Variants in BBS4 observed in about 807,000 individuals in gnomAD.
The protein encoded by BBS4 is Bardet-Biedl syndrome 4.
In BBS4, 58 loss-of-function variants were observed where a neutral mutation model predicts 71.4. The observed-to-expected ratio is 0.81, with a 90% CI of 0.66 to 1.01. The LOEUF (loss-of-function observed/expected upper bound fraction) is 1.01. Among genes scored for constraint, BBS4 ranks in the 50% least tolerant of loss-of-function variants. The pLI is 0.00. For synonymous variants in BBS4, 228 were observed against 216.8 expected (o/e 1.05, Z -0.46); for missense variants, 660 against 607.9 (o/e 1.09, Z -0.90).
At chr15:72,697,213 A>G (rs532201935) in intron 2 of BBS4, among the ~76,000 whole-genome samples, 30 of 152,360 alleles carry the variant, frequency 2.0e-4, no homozygotes, top group African/African-American at 7.0e-4. Flanking sequence ...GATTACAGGC[A>G]TGAGCCACTG....
At chr15:72,737,151 A>G in intron 15 of BBS4, 188 bp downstream of exon 15, 1 of 698,634 alleles carries the variant, frequency 1.4e-6, no homozygotes, top group Non-Finnish European at 2.5e-6. Context: ...GCTATGTAGT[A>G]GGTAACAGCT....
intron 1 of BBS4, among the ~76,000 whole-genome samples, chr15:72,689,881 G>C (rs891533178): frequency 2.6e-5 from 4 of 151,986 alleles, no homozygotes; most frequent in Non-Finnish European, 5.9e-5. Context: ...CGCGATCTCG[G>C]CTCACTGCAA....
At chr15:72,710,195 G>GTTCTTTTTTTTTTTTT (rs1239689474) in intron 3 of BBS4, among the ~76,000 whole-genome samples, 5 of 103,442 alleles carry the variant, frequency 4.8e-5, no homozygotes, top group African/African-American at 1.8e-4. Context: ...ATTTTGTCGA[G>GTTCTTTTTTTTTTTTT]TTTTTTTTTT....
chr15:72,736,015 CTT>C (rs760586107), intron 14 of BBS4, 49 bp downstream of exon 14: 7 of 1,609,786 alleles, frequency 4.3e-6, no homozygotes, highest in Non-Finnish European at 4.2e-6. Context: ...TCTCAGGAGA[CTT>C]TTAAAAATCA....
rs762272721 is a variant in BBS4 at position 72,731,698 on chromosome 15, G to A, written c.1008G>A (p.Lys336=). ...GTGCGGCCATCAACTTCCAGCCAAA[G>A]ATGGGGGAGCTCTACATGCTCTTGG... The part of the protein sequence containing the change: ...FLSAAINFQP[K]MGELYMLLAV... The change falls in exon 12 of 16, where the codon AAG becomes AAA. Residue 336 remains lysine, a synonymous_variant. Coordinates refer to ENST00000268057, the MANE Select transcript of BBS4 (RefSeq NM_033028.5). The A allele has an allele frequency of 6.2e-7, 1 of 1,614,206 alleles. No individual in the cohort carries two copies.
Position 72,717,561 on chromosome 15 carries a change from A to G in BBS4, c.405+711A>G, listed in dbSNP as rs142860605. On this transcript the variant is annotated intron_variant, in intron 6 of 15. Coordinates refer to ENST00000268057, the MANE Select transcript of BBS4 (RefSeq NM_033028.5). Reference sequence around the variant, plus strand: ...AGAAAAGGACAGAGCCTATACTGGGAAAGCACAACTTTCCCAGAAGTCCCC... The same window carrying G: ...AGAAAAGGACAGAGCCTATACTGGGGAAGCACAACTTTCCCAGAAGTCCCC... 3.4e-3 allele frequency among the ~76,000 whole-genome samples: 524 copies of G among 152,064 alleles called. 4 individuals carry two copies. Among genetic ancestry groups the G allele is most frequent in the Admixed American group, 6.2e-3 (95 of 15,288 alleles).
At chr15:72,735,734 A>G in intron 13 of BBS4, 91 bp from the exon 14 acceptor site, 5 of 1,504,964 alleles carry the variant, frequency 3.3e-6, no homozygotes, top group Non-Finnish European at 3.7e-6. Context: ...CTACTTAACC[A>G]GTTTTGTTTT....
chr15:72,688,411 C>CTTTTTTTTATTTTTTTTTTTTTTTTTTTT (rs2064915597), intron 1 of BBS4, among the ~76,000 whole-genome samples: 1 of 83,052 alleles, frequency 1.2e-5, no homozygotes, highest in Non-Finnish European at 2.1e-5. Context: ...GGTATTTTAT[C>CTTTTTTTTATTTTTTTTTTTTTTTTTTTT]TTTTTTTTTT....
intron 9 of BBS4, 116 bp from the exon 10 acceptor site, chr15:72,729,500 T>G: frequency 1.1e-6 from 1 of 920,120 alleles, no homozygotes. Context: ...TCCACCCACC[T>G]TAGCCTCCCA....
At chr15:72,709,320 C>G (rs1444339154) in intron 2 of BBS4, among the ~76,000 whole-genome samples, 1 of 152,150 alleles carries the variant, frequency 6.6e-6, no homozygotes, top group Non-Finnish European at 1.5e-5. Flanking sequence ...GGCAGGTTCC[C>G]CTGATATATT....
At position 72,729,695 on chromosome 15, in the gene BBS4, C is replaced by T. The variant is rs2065774390; in HGVS notation, c.711+11C>T. On this transcript the variant is annotated intron_variant, in intron 10 of 15. Transcript: ENST00000268057. ...CCTACCAACTACAAGGTATTACAGG[C>T]TGTGAAGGCTCTGGCCTTCATATAG... The T allele has an allele frequency of 6.2e-7, 1 of 1,612,714 alleles. No homozygotes were observed. The highest frequency in any genetic ancestry group is 1.7e-5 in the Admixed American group (1 of 59,998).
chr15:72,735,147 C>T lies in BBS4; in HGVS notation c.1071C>T (p.Ala357=). The stretch of plus-strand genomic sequence containing the variant: ...CCAATCTGGAAGATATAGAAAATGC[C>T]AAGAGAGCCTACGCAGAAGCAGTCC... The part of the protein sequence containing the change: ...ALTNLEDIEN[A]KRAYAEAVHL... The change falls in exon 13 of 16, where the codon GCC becomes GCT. Residue 357 remains alanine, a synonymous_variant. Coordinates refer to ENST00000268057, the MANE Select transcript of BBS4 (RefSeq NM_033028.5). The T allele has an allele frequency of 1.2e-6, 2 of 1,613,798 alleles. No individual in the cohort carries two copies. The highest frequency in any genetic ancestry group is 1.7e-6 in the Non-Finnish European group (2 of 1,179,790).
intron 1 of BBS4, among the ~76,000 whole-genome samples, chr15:72,690,236 T>A (rs927794483): frequency 2.0e-5 from 3 of 152,228 alleles, no homozygotes; most frequent in Admixed American, 6.5e-5. Context: ...TTGATCTGGC[T>A]CAGATATAGT....
Position 72,737,627 on chromosome 15 carries a change from GA to G in BBS4, c.*41del. The G allele has an allele frequency of 6.7e-7, 1 of 1,484,176 alleles. No individual in the cohort carries two copies. The highest frequency in any genetic ancestry group is 1.2e-5 in the South Asian group (1 of 83,192). The allele number at this position is 1,484,176 out of a possible 1,614,324, so 91.9% of individuals were successfully genotyped here. On this transcript the variant is annotated 3_prime_UTR_variant, in exon 16 of 16. Transcript: ENST00000268057. ...ACCCCAAAATAGGGTTTTCTTGGGC[GA>G]GGATGTGCTGGATTAGGAAAGGTGA...
Position 72,727,985 on chromosome 15 carries a change from C to G in BBS4, c.633C>G (p.Leu211=). The G allele has an allele frequency of 6.2e-7, 1 of 1,611,444 alleles. No homozygotes were observed. Among genetic ancestry groups the G allele is most frequent in the South Asian group, 1.1e-5 (1 of 91,020 alleles). Reference sequence around the variant, plus strand: ...AGCTTCTTACAACTTTAGGATTACTCTACTTACAGGTAATGAAAACTCTGT... The same window carrying G: ...AGCTTCTTACAACTTTAGGATTACTGTACTTACAGGTAATGAAAACTCTGT... ...NTELLTTLGL[L]YLQLGIYQKA... is the part of the protein sequence containing the mutation. Residue 211 remains leucine (L), a synonymous_variant, in exon 9 of 16, where the codon CTC becomes CTG. Coordinates refer to ENST00000268057, the MANE Select transcript of BBS4 (RefSeq NM_033028.5).
At chr15:72,712,110 G>T (rs1366982131) in intron 3 of BBS4, 134 bp from the exon 4 acceptor site, 7 of 719,870 alleles carry the variant, frequency 9.7e-6, no homozygotes, top group Non-Finnish European at 1.7e-5. Context: ...CTCATAATCT[G>T]CCTGCCTTGG....
chr15:72,728,182 T>G (rs947265558), intron 9 of BBS4, among the ~76,000 whole-genome samples, 188 bp downstream of exon 9: 5 of 152,156 alleles, frequency 3.3e-5, no homozygotes, highest in Non-Finnish European at 7.4e-5. Context: ...TGGAAGCAAT[T>G]CTATTTTAGC....
intron 1 of BBS4, among the ~76,000 whole-genome samples, chr15:72,689,892 C>T (rs182993841): frequency 2.6e-5 from 4 of 152,170 alleles, no homozygotes; most frequent in African/African-American, 4.8e-5. Context: ...CTCACTGCAA[C>T]CTCCGCCTCC....
rs1232876521 is a variant in BBS4 at position 72,731,539 on chromosome 15, C to G, written c.865-16C>G. 12 of 1,614,072 alleles carry G rather than the reference C, an allele frequency of 7.4e-6. No individual in the cohort carries two copies. The highest frequency in any genetic ancestry group is 9.3e-6 in the Non-Finnish European group (11 of 1,180,044). ...TTAGCTTGCCCTTCTCATTGAGTGC[C>G]CCTTCTCTCTCATAGGCCATCAGCT... On this transcript the variant is annotated splice_polypyrimidine_tract_variant and intron_variant, in intron 11 of 15. Transcript: ENST00000268057.
Sources: gnomAD v4.1 joint callset for allele counts (sites outside exome capture counted in the v4.1 genomes callset) on GRCh38, gnomAD v4.1.1 for gene constraint, MANE v1.5 for transcripts, NCBI Gene and HGNC (gene_info 2026-07-23, HGNC 2026-07-21) for gene names.